The following BMPR1B variants were observed in gnomAD, a reference collection of about 807,000 sequenced individuals.
BMPR1B encodes the protein bone morphogenetic protein receptor type-1B.
BMPR1B carries 12 observed loss-of-function variants against 59.1 expected under a neutral mutation model. That is an observed-to-expected ratio of 0.20 (90% CI 0.13 to 0.33). The LOEUF is 0.33. Ranked by LOEUF, BMPR1B falls within the 10% of genes least tolerant of loss-of-function variation. The pLI, the probability that BMPR1B is intolerant of heterozygous loss-of-function variation, is 1.00. For synonymous variants in BMPR1B, 237 were observed against 207.3 expected (o/e 1.14, Z -1.23); for missense variants, 550 against 610.9 (o/e 0.90, Z 1.05).
chr4:94,857,486 T>A (rs2148953046), intron 1 of BMPR1B, among the ~76,000 whole-genome samples: 1 of 152,324 alleles, frequency 6.6e-6, no homozygotes, highest in African/African-American at 2.4e-5. Context: ...GATGTAATAA[T>A]TTATGGCCTT....
At chr4:94,913,105 T>G (rs1445271621) in intron 2 of BMPR1B, among the ~76,000 whole-genome samples, 2 of 152,140 alleles carry the variant, frequency 1.3e-5, no homozygotes, top group African/African-American at 4.8e-5. Context: ...CTCAGATTGA[T>G]GAATATTTGA....
chr4:95,111,442 G>A (rs1731627400), intron 4 of BMPR1B, among the ~76,000 whole-genome samples: 1 of 152,040 alleles, frequency 6.6e-6, no homozygotes, highest in African/African-American at 2.4e-5. Context: ...ATATTCATGT[G>A]AAATAAAGAT....
At chr4:94,981,500 T>C (rs924664841) in intron 2 of BMPR1B, among the ~76,000 whole-genome samples, 3 of 152,210 alleles carry the variant, frequency 2.0e-5, no homozygotes, top group Admixed American at 6.5e-5. Context: ...TCACACCACA[T>C]GATAGTTAAA....
intron 2 of BMPR1B, among the ~76,000 whole-genome samples, chr4:94,928,502 T>TGG (rs1728974101): frequency 6.6e-6 from 1 of 151,996 alleles, no homozygotes; most frequent in Non-Finnish European, 1.5e-5. Flanking sequence ...TTCTAATTTC[T>TGG]GGTTGATTCT....
chr4:94,985,527 G>GTGTGTGTT (rs1553924106), intron 2 of BMPR1B, among the ~76,000 whole-genome samples: 16 of 139,148 alleles, frequency 1.1e-4, no homozygotes, highest in Middle Eastern at 3.6e-3. Flanking sequence ...GTGTGTGTGT[G>GTGTGTGTT]TGTGTGTGTG....
intron 3 of BMPR1B, among the ~76,000 whole-genome samples, chr4:95,059,515 G>A (rs1291002463): frequency 6.6e-6 from 1 of 151,962 alleles, no homozygotes; most frequent in African/African-American, 2.4e-5. Flanking sequence ...GGGAATTTCT[G>A]GGGGATCGTT....
chr4:94,783,405 C>T (rs551998675), intron 1 of BMPR1B, among the ~76,000 whole-genome samples: 1 of 152,300 alleles, frequency 6.6e-6, no homozygotes, highest in African/African-American at 2.4e-5. Context: ...TTGCTTACCA[C>T]CAAAATCTTT....
chr4:95,088,880 C>A (rs1035183581), intron 3 of BMPR1B, among the ~76,000 whole-genome samples: 1 of 151,846 alleles, frequency 6.6e-6, no homozygotes, highest in Non-Finnish European at 1.5e-5. Context: ...CCCTGTAATT[C>A]TTTGCTGAGT....
intron 2 of BMPR1B, among the ~76,000 whole-genome samples, chr4:94,886,173 A>G (rs1727163470): frequency 6.6e-6 from 1 of 152,218 alleles, no homozygotes; most frequent in South Asian, 2.1e-4. Context: ...ATAATAATCA[A>G]AAGTAAGCTT....
chr4:95,131,390 A>G lies in BMPR1B; in HGVS notation c.954A>G (p.Glu318=), dbSNP rs1489632091. Residue 318 remains glutamate, a synonymous_variant, in exon 10 of 13, where the codon GAA becomes GAG. Coordinates refer to ENST00000515059, the MANE Select transcript of BMPR1B (RefSeq NM_001203.3). The part of the protein sequence containing the change: ...SVSGLCHLHT[E]IFSTQGKPAI... ...GTGGCTTATGTCATTTACACACAGAAATCTTTAGTACTCAAGGCAAACCAG... is the reference window on the plus strand; with the variant it reads ...GTGGCTTATGTCATTTACACACAGAGATCTTTAGTACTCAAGGCAAACCAG... 6.2e-7 allele frequency: 1 copy of G among 1,614,052 alleles called. No individual in the cohort carries two copies. The highest frequency in any genetic ancestry group is 1.7e-5 in the Admixed American group (1 of 59,974).
intron 3 of BMPR1B, among the ~76,000 whole-genome samples, chr4:95,075,682 C>T (rs1444378539): frequency 6.6e-6 from 1 of 151,628 alleles, no homozygotes; most frequent in Non-Finnish European, 1.5e-5. Flanking sequence ...GTTTATATTA[C>T]CGTAAGGCTT....
At chr4:95,055,373 A>C (rs1217170982) in intron 3 of BMPR1B, among the ~76,000 whole-genome samples, 2 of 152,194 alleles carry the variant, frequency 1.3e-5, no homozygotes, top group African/African-American at 4.8e-5. Flanking sequence ...CACAATTAGA[A>C]TGATAATATT....
intron 2 of BMPR1B, among the ~76,000 whole-genome samples, chr4:94,936,021 A>G (rs893299998): frequency 2.0e-5 from 3 of 152,084 alleles, no homozygotes; most frequent in Non-Finnish European, 4.4e-5. Context: ...TAGGTTTCAC[A>G]GTGGTAAAGT....
Position 95,155,599 on chromosome 4 carries a change from G to C in BMPR1B, c.*926G>C, listed in dbSNP as rs987086194. On this transcript the variant is annotated 3_prime_UTR_variant, in exon 13 of 13. Coordinates refer to ENST00000515059, the MANE Select transcript of BMPR1B (RefSeq NM_001203.3). ...TTGTCATGAGCTGTGTTGAAGACAG[G>C]GTGCTTTCAAATAGAGGTAATTTGC... The C allele has an allele frequency of 1.4e-4, 20 of 147,638 alleles. No individual in the cohort carries two copies. Among genetic ancestry groups the C allele is most frequent in the African/African-American group, 3.8e-4 (15 of 39,968 alleles). The allele number at this position is 147,638 out of a possible 1,614,324, so 9.1% of individuals were successfully genotyped here.
chr4:94,833,947 A>G (rs1047328548), intron 1 of BMPR1B, among the ~76,000 whole-genome samples: 9 of 152,194 alleles, frequency 5.9e-5, no homozygotes, highest in African/African-American at 9.7e-5. Flanking sequence ...GAGAAAATAA[A>G]TGCTTCATTG....
chr4:94,885,497 G>GT (rs1727138577), intron 2 of BMPR1B, among the ~76,000 whole-genome samples: 1 of 152,042 alleles, frequency 6.6e-6, no homozygotes, highest in Non-Finnish European at 1.5e-5. Flanking sequence ...AAATATCTTT[G>GT]TTTTTTAACT....
At chr4:94,769,258 A>G (rs914061346) in intron 1 of BMPR1B, among the ~76,000 whole-genome samples, 1 of 152,244 alleles carries the variant, frequency 6.6e-6, no homozygotes, top group Non-Finnish European at 1.5e-5. Flanking sequence ...TTTTGATGCC[A>G]TATTGTAAAG....
At chr4:95,076,758 A>G (rs1728740769) in intron 3 of BMPR1B, among the ~76,000 whole-genome samples, 1 of 152,084 alleles carries the variant, frequency 6.6e-6, no homozygotes, top group Non-Finnish European at 1.5e-5. Context: ...TAAAATATAT[A>G]ACACAGTAAA....
At chr4:94,873,751 T>C (rs1726599807) in intron 1 of BMPR1B, among the ~76,000 whole-genome samples, 1 of 152,196 alleles carries the variant, frequency 6.6e-6, no homozygotes, top group African/African-American at 2.4e-5. Flanking sequence ...GTTATGTGTC[T>C]TATTGCGTTT....
Sources: gnomAD v4.1 joint callset for allele counts (sites outside exome capture counted in the v4.1 genomes callset) on GRCh38, gnomAD v4.1.1 for gene constraint, MANE v1.5 for transcripts, NCBI Gene and HGNC (gene_info 2026-07-23, HGNC 2026-07-21) for gene names.